Variants in KRT8 observed in about 807,000 individuals in gnomAD.
The protein encoded by KRT8 is keratin, type II cytoskeletal 8.
KRT8 carries 24 observed loss-of-function variants against 43.0 expected under a neutral mutation model. That is an observed-to-expected ratio of 0.56 (90% confidence interval 0.40 to 0.78). The LOEUF is 0.78. KRT8 is among the 30% of genes least tolerant of loss of function. The pLI is 0.00. For missense variants in KRT8, 492 were observed against 638.4 expected, an observed-to-expected ratio of 0.77 and a Z score of 2.47; for synonymous variants, 214 against 261.2, an observed-to-expected ratio of 0.82 and a Z score of 1.74.
At chr12:52,935,096 A>G (rs1942145072) in intron 2 of KRT8, among the ~76,000 whole-genome samples, 1 of 151,412 alleles carries the variant, frequency 6.6e-6, no homozygotes, top group African/African-American at 2.4e-5. Flanking sequence ...AAAAAAAAAA[A>G]TAGGCCTGGC....
intron 2 of KRT8, among the ~76,000 whole-genome samples, chr12:52,924,281 T>C (rs1382917773): frequency 1.3e-5 from 2 of 151,998 alleles, no homozygotes; most frequent in African/African-American, 2.4e-5. Flanking sequence ...ACCCTGTCTC[T>C]ACTAAAAATA....
At chr12:52,915,462 C>A (rs1941718558) in intron 2 of KRT8, among the ~76,000 whole-genome samples, 1 of 151,786 alleles carries the variant, frequency 6.6e-6, no homozygotes, top group Admixed American at 6.6e-5. Flanking sequence ...AATCCTAGCA[C>A]TTCAGGAGGC....
intron 2 of KRT8, among the ~76,000 whole-genome samples, chr12:52,913,585 C>G (rs2638503): frequency 0.41 from 60,586 of 148,772 alleles, 13,609 homozygotes; most frequent in East Asian, 0.74. Flanking sequence ...GCCCACCCCC[C>G]ACCCTGTGGG....
At chr12:52,897,385 G>A (rs1050380499) in exon 8 of KRT8, 7 of 1,545,724 alleles carry the variant, frequency 4.5e-6, no homozygotes, top group Non-Finnish European at 5.3e-6. Flanking sequence ...CAGGCTCTGG[G>A]GCAGCGCAGG....
chr12:52,940,794 T>G (rs1188513306), intron 2 of KRT8, among the ~76,000 whole-genome samples: 1 of 150,538 alleles, frequency 6.6e-6, no homozygotes, highest in Non-Finnish European at 1.5e-5. Context: ...CCCCGCTAAT[T>G]TTTTTGTATT....
chr12:52,933,626 A>T (rs901528859), intron 2 of KRT8, among the ~76,000 whole-genome samples: 5 of 151,918 alleles, frequency 3.3e-5, no homozygotes, highest in African/African-American at 9.7e-5. Flanking sequence ...TTTATTTTTT[A>T]TTTTTTTATT....
intron 2 of KRT8, chr12:52,948,907 C>A (rs962725599): frequency 2.3e-5 from 10 of 436,930 alleles, no homozygotes; most frequent in Non-Finnish European, 3.9e-5. Context: ...CTGTCCGTGT[C>A]CATGCCCGGT....
At chr12:52,946,767 T>C (rs1387139416) in intron 2 of KRT8, 1 of 152,222 alleles carries the variant, frequency 6.6e-6, no homozygotes, top group African/African-American at 2.4e-5. Flanking sequence ...GGGCATTCAT[T>C]TGTATGTTAT....
At chr12:52,926,332 G>GGCCCCCCCCCCCCCC in intron 2 of KRT8, 5 of 600,270 alleles carry the variant, frequency 8.3e-6, no homozygotes, top group East Asian at 3.3e-5. Context: ...GGCACTAGCT[G>GGCCCCCCCCCCCCCC]CCCTCCCCAC....
upstream of KRT8, among the ~76,000 whole-genome samples, chr12:52,907,961 A>C (rs1380359348): frequency 6.6e-6 from 1 of 152,210 alleles, no homozygotes; most frequent in East Asian, 1.9e-4. Flanking sequence ...CTGCCGGACA[A>C]AAGGGAACAA....
At chr12:52,918,147 G>A (rs2120644247) in intron 2 of KRT8, among the ~76,000 whole-genome samples, 1 of 90,336 alleles carries the variant, frequency 1.1e-5, no homozygotes, top group African/African-American at 4.3e-5. Flanking sequence ...GAGAGGGAGA[G>A]GGAGAAGGGG....
At chr12:52,910,256 C>T (rs4300472), upstream of KRT8, among the ~76,000 whole-genome samples, 3,593 of 152,262 alleles carry the variant, frequency 0.024, 73 homozygotes, top group Admixed American at 0.052. Flanking sequence ...TAACAGTATA[C>T]GTGCTCAGGT....
exon 6 of KRT8, chr12:52,898,845 T>C (rs1405945092): frequency 2.5e-6 from 4 of 1,613,314 alleles, no homozygotes; most frequent in Non-Finnish European, 3.4e-6. Flanking sequence ...GCATCCTTAA[T>C]GGCCAGCTCT....
At chr12:52,916,984 A>G (rs1941753433) in intron 2 of KRT8, among the ~76,000 whole-genome samples, 1 of 152,184 alleles carries the variant, frequency 6.6e-6, no homozygotes, top group South Asian at 2.1e-4. Context: ...AATAGGGGAC[A>G]TTCATCGGTG....
exon 8 of KRT8, chr12:52,897,348 T>G: frequency 7.6e-7 from 1 of 1,307,506 alleles, no homozygotes; most frequent in Admixed American, 1.7e-5. Flanking sequence ...CTGTTCCCAG[T>G]GCTACCCTGC....
At chr12:52,938,171 T>TACATATATATATATATATATATATA (rs1350561374) in intron 2 of KRT8, among the ~76,000 whole-genome samples, 1 of 29,796 alleles carries the variant, frequency 3.4e-5, no homozygotes. Flanking sequence ...TATATATATA[T>TACATATATATATATATATATATATA]TTTTTTTTTT....
upstream of KRT8, among the ~76,000 whole-genome samples, chr12:52,910,189 G>C (rs796467245): frequency 6.6e-6 from 1 of 152,186 alleles, no homozygotes; most frequent in Non-Finnish European, 1.5e-5. Flanking sequence ...TCAGTCCACA[G>C]AGTCCTTCCC....
intron 2 of KRT8, among the ~76,000 whole-genome samples, chr12:52,913,743 G>C (rs1298517646): frequency 7.2e-5 from 11 of 152,218 alleles, no homozygotes; most frequent in Admixed American, 7.2e-4. Flanking sequence ...TCAGGCACAA[G>C]CATGTGCGTG....
chr12:52,913,353 C>G (rs371621568), intron 2 of KRT8, among the ~76,000 whole-genome samples: 2 of 152,162 alleles, frequency 1.3e-5, no homozygotes, highest in African/African-American at 2.4e-5. Flanking sequence ...TGGTATTCCC[C>G]GCTTCACCAC....
Sources: allele counts gnomAD v4.1 joint callset (sites outside exome capture counted in the v4.1 genomes callset), GRCh38; gene constraint gnomAD v4.1.1; transcripts MANE v1.5; gene names NCBI Gene and HGNC (gene_info 2026-07-23, HGNC 2026-07-21).